The following IFT88 variants were observed in gnomAD, a reference collection of about 807,000 sequenced individuals.
IFT88 encodes intraflagellar transport protein 88 homolog.
A neutral mutation model predicts 119.5 loss-of-function variants in IFT88; 74 were observed. The observed-to-expected ratio is 0.62, with a 90% CI of 0.51 to 0.75. The LOEUF (loss-of-function observed/expected upper bound fraction) is 0.75. Ranked by LOEUF, IFT88 falls within the 30% of genes least tolerant of loss-of-function variation. The pLI, the probability that IFT88 is intolerant of heterozygous loss-of-function variation, is 0.00. For missense variants in IFT88, 961 were observed against 977.7 expected, an observed-to-expected ratio of 0.98 and a Z score of 0.23; for synonymous variants, 279 against 316.7, an observed-to-expected ratio of 0.88 and a Z score of 1.26.
chr13:20,583,154 C>A, intron 3 of IFT88, 135 bp downstream of exon 3: 1 of 533,266 alleles, frequency 1.9e-6, no homozygotes, highest in South Asian at 3.1e-5. Flanking sequence ...GGTAGTGAAA[C>A]AGATCTTCAG....
chr13:20,637,266 A>T (rs190951663), intron 16 of IFT88, among the ~76,000 whole-genome samples: 4 of 152,324 alleles, frequency 2.6e-5, no homozygotes, highest in African/African-American at 9.6e-5. Context: ...TAAAGGGGTC[A>T]GGTTTATTAT....
At chr13:20,613,054 A>G (rs2044874994) in intron 13 of IFT88, among the ~76,000 whole-genome samples, 1 of 152,220 alleles carries the variant, frequency 6.6e-6, no homozygotes, top group Admixed American at 6.5e-5. Flanking sequence ...TATGACACCA[A>G]AAGCACAAGT....
At chr13:20,607,251 T>C (rs2043645475) in intron 13 of IFT88, 2 of 406,040 alleles carry the variant, frequency 4.9e-6, no homozygotes, top group Non-Finnish European at 1.0e-5. Context: ...TCCCCTGGCC[T>C]GCTGCTGCCG....
chr13:20,575,422 G>A (rs760247928), intron 2 of IFT88, among the ~76,000 whole-genome samples: 17 of 152,164 alleles, frequency 1.1e-4, no homozygotes, highest in Non-Finnish European at 2.1e-4. Flanking sequence ...ACATGGGAGT[G>A]CAGATATCTT....
At position 20,691,121 on chromosome 13, in the gene IFT88, C is replaced by A; in HGVS notation, c.2421C>A (p.Ile807=). ...ERPKTAAKKR[I]DEDDFADEEL... is the part of the protein sequence containing the mutation. ...CAAAAACTGCAGCCAAGAAAAGGAT[C>A]GATGAGGATGATTTTGCTGATGAAG... Residue 807 remains isoleucine (I), a synonymous_variant, in exon 26 of 26, where the codon ATC becomes ATA. Transcript: ENST00000351808. 6.2e-7 allele frequency: 1 copy of A among 1,613,682 alleles called. No homozygotes were observed. Among genetic ancestry groups the A allele is most frequent in the Non-Finnish European group, 8.5e-7 (1 of 1,179,730 alleles).
chr13:20,612,498 A>C (rs117201043), intron 13 of IFT88, among the ~76,000 whole-genome samples: 35 of 152,358 alleles, frequency 2.3e-4, no homozygotes, highest in Non-Finnish European at 4.7e-4. Context: ...ATATAAAGAT[A>C]CTAAATAAAT....
intron 24 of IFT88, among the ~76,000 whole-genome samples, chr13:20,674,717 TATATATA>T (rs201824697): frequency 0.34 from 28,859 of 84,752 alleles, 3,713 homozygotes; most frequent in Middle Eastern, 0.41. Flanking sequence ...TATATATATA[TATATATA>T]TTTTTTTTTT....
intron 20 of IFT88, among the ~76,000 whole-genome samples, chr13:20,647,801 A>G (rs766597055): frequency 3.0e-4 from 46 of 152,222 alleles, no homozygotes; most frequent in Non-Finnish European, 6.6e-4. Flanking sequence ...AATTATTGCC[A>G]TACTTCCCAA....
At chr13:20,634,802 A>AT (rs34571895) in intron 16 of IFT88, among the ~76,000 whole-genome samples, 15 of 147,578 alleles carry the variant, frequency 1.0e-4, no homozygotes, top group East Asian at 4.0e-4. Context: ...AGATTTCTTT[A>AT]TTTTTTTTTT....
intron 15 of IFT88, among the ~76,000 whole-genome samples, chr13:20,629,968 C>T (rs2442447): frequency 0.21 from 32,184 of 152,074 alleles, 3,944 homozygotes; most frequent in African/African-American, 0.31. Context: ...AGTGTCTGAC[C>T]GTTCCACACA....
rs186323211 is a variant in IFT88, at chr13:20,615,536, C to A, written c.1113-257C>A. Among the ~76,000 whole-genome samples the A allele has an allele frequency of 3.5e-4, 54 of 152,228 alleles. No individual in the cohort carries two copies. The East Asian group carries it at 0.01, about 29-fold the overall frequency. The stretch of plus-strand genomic sequence containing the variant: ...TTTCTCCAGTATCTCTTCAGTTTGT[C>A]AGAAGGCATCATAAAGCAGAAAAAG... On this transcript the variant is annotated intron_variant, in intron 13 of 25. Coordinates refer to ENST00000351808, the MANE Select transcript of IFT88 (RefSeq NM_006531.5).
intron 11 of IFT88, among the ~76,000 whole-genome samples, chr13:20,601,202 C>CTAAG (rs1458205286): frequency 6.6e-6 from 1 of 152,078 alleles, no homozygotes; most frequent in Non-Finnish European, 1.5e-5. Context: ...CCCGTCTCTA[C>CTAAG]TAAACATACA....
At chr13:20,650,890 G>A (rs1337435202) in intron 20 of IFT88, among the ~76,000 whole-genome samples, 1 of 152,058 alleles carries the variant, frequency 6.6e-6, no homozygotes, top group Admixed American at 6.6e-5. Flanking sequence ...AATAATTAGC[G>A]ATTAATTTAG....
intron 14 of IFT88, among the ~76,000 whole-genome samples, chr13:20,616,989 G>C (rs1464908702): frequency 1.3e-5 from 2 of 151,902 alleles, no homozygotes; most frequent in African/African-American, 4.8e-5. Flanking sequence ...TGCCTCCCAG[G>C]CTGGAGTGCA....
intron 1 of IFT88, among the ~76,000 whole-genome samples, chr13:20,573,421 G>A (rs1167640143): frequency 3.9e-5 from 6 of 152,088 alleles, no homozygotes; most frequent in South Asian, 2.1e-4. Flanking sequence ...GCAGGCAGCC[G>A]TCCTCATTTT....
intron 24 of IFT88, among the ~76,000 whole-genome samples, chr13:20,680,736 T>C (rs1247911604): frequency 1.3e-5 from 2 of 152,212 alleles, no homozygotes; most frequent in Non-Finnish European, 2.9e-5. Context: ...AATCTCTTCC[T>C]TGGCATCTGG....
intron 16 of IFT88, among the ~76,000 whole-genome samples, chr13:20,633,915 C>T (rs972842201): frequency 3.3e-5 from 5 of 152,166 alleles, no homozygotes; most frequent in Non-Finnish European, 7.3e-5. Flanking sequence ...TATATGCTTA[C>T]ATTCTACCCA....
At chr13:20,577,971 C>CCATCA (rs1370396510) in intron 2 of IFT88, among the ~76,000 whole-genome samples, 13 of 150,906 alleles carry the variant, frequency 8.6e-5, no homozygotes, top group African/African-American at 3.2e-4. Context: ...AGCAGTGAAG[C>CCATCA]CATCAGGTGC....
In IFT88 at chr13:20,691,305, T is replaced by C. The variant is rs2058442497; in HGVS notation, c.*130T>C. The C allele has an allele frequency of 1.3e-6, 1 of 795,956 alleles. No homozygotes were observed. Among genetic ancestry groups the C allele is most frequent in the Non-Finnish European group, 1.9e-6 (1 of 522,080 alleles). The allele number at this position is 795,956 out of a possible 1,614,324, so 49.3% of individuals were successfully genotyped here. On this transcript the variant is annotated 3_prime_UTR_variant, in exon 26 of 26. Coordinates refer to ENST00000351808, the MANE Select transcript of IFT88 (RefSeq NM_006531.5). The stretch of plus-strand genomic sequence containing the variant: ...CAAAACTTAAGTAAGTGTATTCTAT[T>C]CTGTATGTATGCATTTAAGTTGTTT...
Sources: gnomAD v4.1 joint callset for allele counts (sites outside exome capture counted in the v4.1 genomes callset) on GRCh38, gnomAD v4.1.1 for gene constraint, MANE v1.5 for transcripts, NCBI Gene and HGNC (gene_info 2026-07-23, HGNC 2026-07-21) for gene names.